Variants in SIPA1L1 observed in about 807,000 individuals in gnomAD.
SIPA1L1 encodes signal induced proliferation associated 1 like 1, also known as signal-induced proliferation-associated 1-like protein 1.
Under a neutral mutation model 162.7 loss-of-function variants are expected in SIPA1L1, and 26 were observed. That is an observed-to-expected ratio of 0.16 (90% CI 0.12 to 0.22). SIPA1L1 has a LOEUF of 0.22. Among genes scored for constraint, SIPA1L1 ranks in the 10% least tolerant of loss-of-function variants. The pLI, the probability that SIPA1L1 is intolerant of heterozygous loss-of-function variation, is 1.00. For missense variants in SIPA1L1, 1,874 were observed against 2,241.0 expected, an observed-to-expected ratio of 0.84 and a Z score of 3.31; for synonymous variants, 829 against 837.4, an observed-to-expected ratio of 0.99 and a Z score of 0.17.
At chr14:71,684,874 G>A (rs926292375) in intron 12 of SIPA1L1, among the ~76,000 whole-genome samples, 2 of 150,394 alleles carry the variant, frequency 1.3e-5, no homozygotes, top group African/African-American at 4.9e-5. Context: ...AATGGCAGGT[G>A]TGTGAAGCTG....
At chr14:71,677,289 T>C (rs2045309180) in intron 12 of SIPA1L1, among the ~76,000 whole-genome samples, 1 of 152,260 alleles carries the variant, frequency 6.6e-6, no homozygotes, top group Non-Finnish European at 1.5e-5. Flanking sequence ...GAAGTGTCTG[T>C]TCATATCCTT....
chr14:71,352,102 A>AT (rs549680680), intron 2 of SIPA1L1, among the ~76,000 whole-genome samples: 280 of 152,056 alleles, frequency 1.8e-3, no homozygotes, highest in African/African-American at 6.1e-3. Context: ...TGAAAAGGTG[A>AT]TTTTTTTAAA....
intron 2 of SIPA1L1, among the ~76,000 whole-genome samples, chr14:71,450,674 CTGT>C (rs1367677093): frequency 6.6e-6 from 1 of 150,876 alleles, no homozygotes; most frequent in Non-Finnish European, 1.5e-5. Context: ...GTTAGAATGG[CTGT>C]TATTAAAACC....
chr14:71,398,862 A>G (rs559817573), intron 2 of SIPA1L1, among the ~76,000 whole-genome samples: 28 of 152,368 alleles, frequency 1.8e-4, no homozygotes, highest in African/African-American at 5.8e-4. Context: ...TTCAAAAGGA[A>G]GTTCAAGATC....
At position 71,699,110 on chromosome 14, in the gene SIPA1L1, G is replaced by A; in HGVS notation, c.3504G>A (p.Gln1168=). The A allele has an allele frequency of 6.2e-7, 1 of 1,614,184 alleles. No homozygotes were observed. Among genetic ancestry groups the A allele is most frequent in the Non-Finnish European group, 8.5e-7 (1 of 1,180,004 alleles). The change falls in exon 14 of 24, where the codon CAG becomes CAA. Residue 1168 remains glutamine (Q), a synonymous_variant. Transcript: ENST00000381232. ...DTGSVGGTYR[Q]KSMPEGFGVS... is the part of the protein sequence containing the mutation. ...GTTCTGTGGGGGGCACTTACAGGCA[G>A]AAGTCCATGCCCGAAGGGTAGTTAT...
chr14:71,643,980 G>A (rs1298016162), intron 7 of SIPA1L1, among the ~76,000 whole-genome samples: 1 of 152,040 alleles, frequency 6.6e-6, no homozygotes, highest in Non-Finnish European at 1.5e-5. Context: ...GCTAAATTTT[G>A]TATTTTTAGT....
chr14:71,646,018 A>C (rs1417300760), intron 7 of SIPA1L1, among the ~76,000 whole-genome samples: 1 of 152,162 alleles, frequency 6.6e-6, no homozygotes, highest in Non-Finnish European at 1.5e-5. Flanking sequence ...TGGCCATGAT[A>C]CCAGGGAAGA....
intron 2 of SIPA1L1, chr14:71,321,756 C>T (rs998310379): frequency 6.6e-6 from 1 of 152,236 alleles, no homozygotes; most frequent in Admixed American, 6.5e-5. Flanking sequence ...TCCTTCGCCC[C>T]ATCTGTTACC....
At chr14:71,378,607 T>G (rs2039621473) in intron 2 of SIPA1L1, among the ~76,000 whole-genome samples, 1 of 152,236 alleles carries the variant, frequency 6.6e-6, no homozygotes, top group South Asian at 2.1e-4. Context: ...AAGGAATGTG[T>G]CTTTTTCAAT....
rs185852240 is a variant in SIPA1L1, at chr14:71,440,334, T to C, written c.-464-72409T>C. On this transcript the variant is annotated intron_variant, in intron 2 of 23. Transcript: ENST00000381232. ...GAGCCACTGCCTAAAGCTTCTAAAC[T>C]TGTAGCATAAGTAAGATGATTAAAA... Among the ~76,000 whole-genome samples, 136 of 152,088 alleles carry C rather than the reference T, an allele frequency of 8.9e-4. 1 individual carries two copies. The highest frequency in any genetic ancestry group is 1.6e-3 in the Non-Finnish European group (108 of 67,968).
chr14:71,651,490 A>G (rs1024588913), intron 8 of SIPA1L1, among the ~76,000 whole-genome samples: 3 of 152,214 alleles, frequency 2.0e-5, no homozygotes, highest in Non-Finnish European at 2.9e-5. Flanking sequence ...TAAAACCCAT[A>G]AATAGCCTAG....
At chr14:71,625,931 TTATGTCCTC>T (rs1353018305) in intron 7 of SIPA1L1, among the ~76,000 whole-genome samples, 5 of 152,224 alleles carry the variant, frequency 3.3e-5, no homozygotes, top group African/African-American at 7.2e-5. Flanking sequence ...CTGACACATT[TTATGTCCTC>T]TGTTAGTGAT....
At chr14:71,729,297 A>G (rs1019706688) in intron 19 of SIPA1L1, among the ~76,000 whole-genome samples, 2 of 152,112 alleles carry the variant, frequency 1.3e-5, no homozygotes, top group Non-Finnish European at 2.9e-5. Flanking sequence ...CGGCCTCCCA[A>G]AGTGCTGGGA....
intron 2 of SIPA1L1, among the ~76,000 whole-genome samples, chr14:71,415,483 C>T (rs143321873): frequency 6.6e-6 from 1 of 152,236 alleles, no homozygotes; most frequent in African/African-American, 2.4e-5. Context: ...CCAAGAATTG[C>T]TTAATGGTGA....
chr14:71,622,296 C>T (rs2039532627), intron 6 of SIPA1L1, among the ~76,000 whole-genome samples: 1 of 152,166 alleles, frequency 6.6e-6, no homozygotes, highest in Non-Finnish European at 1.5e-5. Flanking sequence ...AATTTTATGG[C>T]ATGTGAGTGT....
At chr14:71,667,351 C>T (rs934861883) in intron 10 of SIPA1L1, among the ~76,000 whole-genome samples, 1 of 152,184 alleles carries the variant, frequency 6.6e-6, no homozygotes, top group African/African-American at 2.4e-5. Flanking sequence ...ACCAGTAGCA[C>T]CCTGTACTTC....
At chr14:71,603,779 C>T (rs1251499259) in intron 5 of SIPA1L1, among the ~76,000 whole-genome samples, 1 of 151,560 alleles carries the variant, frequency 6.6e-6, no homozygotes, top group Non-Finnish European at 1.5e-5. Flanking sequence ...AAAAATCAGC[C>T]AGGCACGTGC....
At chr14:71,357,614 C>T (rs2037397949) in intron 2 of SIPA1L1, among the ~76,000 whole-genome samples, 1 of 151,890 alleles carries the variant, frequency 6.6e-6, no homozygotes, top group Admixed American at 6.6e-5. Flanking sequence ...CAGGCTGCAG[C>T]GCAGTGGCAT....
intron 4 of SIPA1L1, among the ~76,000 whole-genome samples, chr14:71,543,879 A>C (rs1021135352): frequency 8.0e-5 from 9 of 112,864 alleles, no homozygotes; most frequent in Non-Finnish European, 9.7e-5. Context: ...GTATGTGTAT[A>C]TATACATATA....
Sources: gnomAD v4.1 joint callset for allele counts (sites outside exome capture counted in the v4.1 genomes callset) on GRCh38, gnomAD v4.1.1 for gene constraint, MANE v1.5 for transcripts, NCBI Gene and HGNC (gene_info 2026-07-23, HGNC 2026-07-21) for gene names.